Variants in ADAM12 observed in about 807,000 individuals in gnomAD.
The protein encoded by ADAM12 is ADAM metallopeptidase domain 12.
Under a neutral mutation model 106.4 loss-of-function variants are expected in ADAM12, and 70 were observed. That is an observed-to-expected ratio of 0.66 (90% CI 0.54 to 0.80). The LOEUF is 0.80. Among genes scored for constraint, ADAM12 ranks in the 30% least tolerant of loss-of-function variants. The probability of loss-of-function intolerance (pLI) is 0.00; values close to 1 mark genes in which losing one functional copy is unlikely to be tolerated. For synonymous variants in ADAM12, 420 were observed against 433.5 expected (o/e 0.97, Z 0.39); for missense variants, 1,010 against 1,171.9 (o/e 0.86, Z 2.02).
At chr10:126,178,940 G>A (rs774358487) in intron 3 of ADAM12, among the ~76,000 whole-genome samples, 10 of 152,034 alleles carry the variant, frequency 6.6e-5, no homozygotes, top group East Asian at 1.9e-4. Flanking sequence ...CCAGCTACTC[G>A]AGAGGCTGAG....
intron 1 of ADAM12, among the ~76,000 whole-genome samples, chr10:126,331,258 A>G (rs1854502049): frequency 6.6e-6 from 1 of 152,256 alleles, no homozygotes; most frequent in African/African-American, 2.4e-5. Flanking sequence ...TTGCTCTCCT[A>G]TGAGGTCATG....
At chr10:126,090,229 G>A (rs557103279) in intron 11 of ADAM12, among the ~76,000 whole-genome samples, 5 of 150,912 alleles carry the variant, frequency 3.3e-5, no homozygotes, top group Admixed American at 6.6e-5. Flanking sequence ...GCAGGGGCTC[G>A]GTGAATATGA....
Position 126,388,135 on chromosome 10 carries a change from C to CG in ADAM12, c.10dup (p.Arg4ProfsTer37). ...GCGGGCGGGGGACACGGGCAGCGGG[C>CG]GCGCTGCCATCGTCGCCGGCCTTCA... On this transcript the variant is annotated frameshift_variant, in exon 1 of 23. Transcript: ENST00000448723. LOFTEE classifies it high-confidence loss of function. The surrounding 1 kb of genome is among the most constrained non-coding windows in gnomAD (Gnocchi z 4.4). 1 of 1,215,962 alleles carries CG rather than the reference C, an allele frequency of 8.2e-7. No homozygotes were observed. Among genetic ancestry groups the CG allele is most frequent in the Non-Finnish European group, 1.0e-6 (1 of 977,662 alleles). The allele number at this position is 1,215,962 out of a possible 1,614,324, so 75.3% of individuals were successfully genotyped here.
chr10:126,207,390 A>T (rs1590620782), intron 3 of ADAM12, among the ~76,000 whole-genome samples: 2 of 152,360 alleles, frequency 1.3e-5, no homozygotes, highest in East Asian at 3.9e-4. Flanking sequence ...ATCTTAGCTA[A>T]GTTATAGTGC....
intron 4 of ADAM12, among the ~76,000 whole-genome samples, chr10:126,152,925 G>C (rs1425357092): frequency 6.6e-6 from 1 of 152,152 alleles, no homozygotes; most frequent in East Asian, 1.9e-4. Context: ...AAATCTATTA[G>C]CTCATCTGGT....
At chr10:126,171,030 T>TA (rs2133762815) in intron 3 of ADAM12, among the ~76,000 whole-genome samples, 1 of 152,342 alleles carries the variant, frequency 6.6e-6, no homozygotes, top group Non-Finnish European at 1.5e-5. Flanking sequence ...TCAATATTCT[T>TA]ACAGCTGGGC....
chr10:126,386,064 G>C (rs1426446639), intron 1 of ADAM12, among the ~76,000 whole-genome samples: 1 of 152,146 alleles, frequency 6.6e-6, no homozygotes, highest in Non-Finnish European at 1.5e-5. Flanking sequence ...AATATACTTA[G>C]GAGGTTGGTG....
chr10:126,038,597 G>T (rs1954100091), intron 19 of ADAM12, among the ~76,000 whole-genome samples: 1 of 152,174 alleles, frequency 6.6e-6, no homozygotes, highest in Non-Finnish European at 1.5e-5. Flanking sequence ...GTGACACCTG[G>T]AAGATGATTT....
At position 126,066,602 on chromosome 10, in the gene ADAM12, C is replaced by G; in HGVS notation, c.1413+115G>C. On this transcript the variant is annotated intron_variant, in intron 13 of 22. Coordinates refer to ENST00000448723, the MANE Select transcript of ADAM12 (RefSeq NM_001288973.2). This position sits in a 1 kb window ranked among gnomAD's most constrained non-coding sequence, Gnocchi z 5.1. Reference sequence around the variant, plus strand: ...ACTGGCGTGAGAAGGAGGGATGGTGCGTGCTGTGGTGAGTGCTGGGAAACC... The same window carrying G: ...ACTGGCGTGAGAAGGAGGGATGGTGGGTGCTGTGGTGAGTGCTGGGAAACC... 1.1e-6 allele frequency: 1 copy of G among 918,456 alleles called. No homozygotes were observed. The highest frequency in any genetic ancestry group is 2.0e-5 in the Admixed American group (1 of 51,104). 56.9% of individuals were successfully genotyped at this position (918,456 alleles called of 1,614,324 possible).
At chr10:126,063,177 A>G (rs1954793007) in intron 14 of ADAM12, among the ~76,000 whole-genome samples, 1 of 152,060 alleles carries the variant, frequency 6.6e-6, no homozygotes. Context: ...TCCCCATCCC[A>G]CCTGCCCACG....
At chr10:126,100,948 C>T (rs1955652551) in intron 9 of ADAM12, 124 bp downstream of exon 9, 9 of 1,007,342 alleles carry the variant, frequency 8.9e-6, no homozygotes, top group Non-Finnish European at 1.3e-5. Context: ...AGCTGAGAAG[C>T]CCCCTTGCAC....
chr10:126,117,923 T>A, intron 6 of ADAM12, 115 bp downstream of exon 6: 2 of 1,203,044 alleles, frequency 1.7e-6, no homozygotes, highest in South Asian at 1.4e-5. Context: ...GGCACTTCCA[T>A]CCCCCAGATG....
chr10:126,297,589 T>C (rs754780727), intron 2 of ADAM12, among the ~76,000 whole-genome samples: 4 of 152,168 alleles, frequency 2.6e-5, no homozygotes, highest in African/African-American at 4.8e-5. Flanking sequence ...AACCACACGA[T>C]GTGATATTCC....
In ADAM12 at chr10:126,388,344, G is replaced by T; in HGVS notation, c.-199C>A. ...CATTTTTAAAAAAGTTTCCCCCCGT[G>T]TGTGTGCGTGCGTGCGCGCGCGCGC... is the stretch of plus-strand genomic sequence containing the variant. On this transcript the variant is annotated 5_prime_UTR_variant, in exon 1 of 23. Coordinates refer to ENST00000448723, the MANE Select transcript of ADAM12 (RefSeq NM_001288973.2). This position sits in a 1 kb window ranked among gnomAD's most constrained non-coding sequence, Gnocchi z 4.4. 1.2e-6 allele frequency: 1 copy of T among 817,514 alleles called. No homozygotes were observed. The highest frequency in any genetic ancestry group is 1.6e-6 in the Non-Finnish European group (1 of 628,008). 50.6% of individuals were successfully genotyped at this position (817,514 alleles called of 1,614,324 possible). A position where few individuals can be genotyped will look rare whatever the true frequency, so the allele number is the denominator to read the frequency against.
intron 3 of ADAM12, among the ~76,000 whole-genome samples, chr10:126,261,569 A>C (rs1386970431): frequency 6.6e-6 from 1 of 152,168 alleles, no homozygotes; most frequent in African/African-American, 2.4e-5. Flanking sequence ...TGGTGGATTT[A>C]GGCCTTGTGA....
intron 3 of ADAM12, among the ~76,000 whole-genome samples, chr10:126,175,128 C>A (rs1349984730): frequency 6.6e-6 from 1 of 152,146 alleles, no homozygotes; most frequent in Non-Finnish European, 1.5e-5. Flanking sequence ...CAGAATCCTG[C>A]GAGAAGAGCC....
chr10:126,122,506 A>G (rs1447408142), intron 5 of ADAM12, among the ~76,000 whole-genome samples: 1 of 152,212 alleles, frequency 6.6e-6, no homozygotes, highest in Non-Finnish European at 1.5e-5. Context: ...TCACGCCTGT[A>G]ATTCCAGCAC....
chr10:126,369,776 C>T lies in ADAM12; in HGVS notation c.88+18282G>A, dbSNP rs145230039. Among the ~76,000 whole-genome samples the T allele has an allele frequency of 3.9e-3, 600 of 152,272 alleles. 2 individuals are homozygous for T. The highest frequency in any genetic ancestry group is 0.014 in the African/African-American group (573 of 41,556). On this transcript the variant is annotated intron_variant, in intron 1 of 22. Transcript: ENST00000448723. ...TATCTAATTAACTCACTGTGCTAGA[C>T]TGTTGAGATGGTTCCCAGTGCCCCC...
At chr10:126,042,122 A>C (rs1954188937) in intron 18 of ADAM12, 9 of 1,613,084 alleles carry the variant, frequency 5.6e-6, no homozygotes, top group Non-Finnish European at 7.6e-6. Context: ...TCTCCATGTC[A>C]TGGGAGGGCT....
Sources: gnomAD v4.1 joint callset for allele counts (sites outside exome capture counted in the v4.1 genomes callset) on GRCh38, gnomAD v4.1.1 for gene constraint, Gnocchi (gnomAD v3.1) non-coding constraint, MANE v1.5 for transcripts, NCBI Gene and HGNC (gene_info 2026-07-23, HGNC 2026-07-21) for gene names.